The following ETFBKMT variants were observed in gnomAD, a reference collection of about 807,000 sequenced individuals.
The protein encoded by ETFBKMT is electron transfer flavoprotein beta subunit lysine methyltransferase.
In ETFBKMT, 13 loss-of-function variants were observed where a neutral mutation model predicts 18.3. The observed-to-expected ratio is 0.71, with a 90% CI of 0.46 to 1.13. The LOEUF (loss-of-function observed/expected upper bound fraction) is 1.13, where lower values mean the gene tolerates loss of function less well. ETFBKMT is among the 50% of genes most tolerant of loss of function. ETFBKMT has a pLI of 0.00. For synonymous variants in ETFBKMT, 84 were observed against 107.9 expected (o/e 0.78, Z 1.37); for missense variants, 293 against 306.2 (o/e 0.96, Z 0.32).
Position 31,661,958 on chromosome 12 carries a change from C to CT in ETFBKMT, c.8dup (p.Leu3PhefsTer44). 6.2e-7 allele frequency: 1 copy of CT among 1,613,248 alleles called. No homozygotes were observed. Among genetic ancestry groups the CT allele is most frequent in the Non-Finnish European group, 8.5e-7 (1 of 1,179,558 alleles). ...CTGTGTTTGGGGAAAGGACTGATGGCTTTGAGTCTAGGTTGGAAAGCACAC... is the reference window on the plus strand; with the variant it reads ...CTGTGTTTGGGGAAAGGACTGATGGCTTTTGAGTCTAGGTTGGAAAGCACAC... On this transcript the variant is annotated frameshift_variant, in exon 2 of 4. Transcript: ENST00000357721. LOFTEE classifies it high-confidence loss of function.
At chr12:31,661,799 C>G (rs1044583725) in intron 1 of ETFBKMT, 42 bp from the exon 2 acceptor site, 35 of 702,604 alleles carry the variant, frequency 5.0e-5, no homozygotes, top group Non-Finnish European at 6.2e-5. Flanking sequence ...AAATGTTGCT[C>G]TTCCTCAGAA....
At chr12:31,657,520 G>A (rs554987572), upstream of ETFBKMT, among the ~76,000 whole-genome samples, 3 of 152,180 alleles carry the variant, frequency 2.0e-5, no homozygotes, top group East Asian at 5.8e-4. Context: ...TTGGCCGGTC[G>A]CAGTGGCTCA....
At chr12:31,656,114 T>C (rs187441843), upstream of ETFBKMT, among the ~76,000 whole-genome samples, 1,168 of 152,330 alleles carry the variant, frequency 7.7e-3, 12 homozygotes, top group Non-Finnish European at 9.7e-3. Flanking sequence ...AAAAGAGGTA[T>C]GACATGGTCT....
In ETFBKMT at chr12:31,670,162, ATTC is replaced by A. The variant is rs1393382561; in HGVS notation, c.*2175_*2177del. The A allele has an allele frequency of 6.6e-6, 1 of 152,074 alleles. No individual in the cohort carries two copies. The highest frequency in any genetic ancestry group is 1.5e-5 in the Non-Finnish European group (1 of 68,044). 9.4% of individuals were successfully genotyped at this position (152,074 alleles called of 1,614,324 possible). On this transcript the variant is annotated 3_prime_UTR_variant, in exon 4 of 4. Transcript: ENST00000357721. ...CCACTGTGCCAGGCTGGAGCTTTTG[ATTC>A]TTAAGTCCATCCACATGGAGCCTCC...
chr12:31,672,408 T>C lies in ETFBKMT; in HGVS notation c.*4418T>C, dbSNP rs1384606484. The stretch of plus-strand genomic sequence containing the variant: ...AAAGAAAACAATGACAATATATTAA[T>C]TGACAATAAAAAATGTTTAATGTTT... On this transcript the variant is annotated 3_prime_UTR_variant, in exon 4 of 4. Transcript: ENST00000357721. 6.9e-7 allele frequency: 1 copy of C among 1,456,118 alleles called. No homozygotes were observed. The highest frequency in any genetic ancestry group is 1.2e-5 in the South Asian group (1 of 82,130). The allele number at this position is 1,456,118 out of a possible 1,614,324, so 90.2% of individuals were successfully genotyped here. A position where few individuals can be genotyped will look rare whatever the true frequency, so the allele number is the denominator to read the frequency against.
rs762340802 is a variant in ETFBKMT at position 31,672,299 on chromosome 12, A to C, written c.*4309A>C. On this transcript the variant is annotated 3_prime_UTR_variant, in exon 4 of 4. Transcript: ENST00000357721. ...TTCCTAGCATTGATCATCTTCAAAA[A>C]AGCATCAATAAACAGTCCATGTCAC... The C allele has an allele frequency of 2.6e-6, 4 of 1,565,714 alleles. No individual in the cohort carries two copies. The highest frequency in any genetic ancestry group is 3.5e-6 in the Non-Finnish European group (4 of 1,152,442).
chr12:31,667,950 G>T lies in ETFBKMT; in HGVS notation c.749G>T (p.Ser250Ile), dbSNP rs1370568075. The change falls in exon 4 of 4, where the codon AGT (serine) becomes ATT (isoleucine). Residue 250 changes from serine (S) to isoleucine (I), a missense_variant. Coordinates refer to ENST00000357721, the MANE Select transcript of ETFBKMT (RefSeq NM_001135863.2). ...SLLESTRQEN[S>I]GLTTSTVWGF... The stretch of plus-strand genomic sequence containing the variant: ...TTGGAGTCTACTAGGCAGGAAAACA[G>T]TGGACTGACAACAAGCACAGTGTGG... 1 of 1,614,068 alleles carries T rather than the reference G, an allele frequency of 6.2e-7. No individual in the cohort carries two copies. The highest frequency in any genetic ancestry group is 2.2e-5 in the East Asian group (1 of 44,900).
chr12:31,665,087 C>T (rs1264157394), intron 2 of ETFBKMT, among the ~76,000 whole-genome samples: 5 of 151,084 alleles, frequency 3.3e-5, no homozygotes, highest in East Asian at 2.0e-4. Flanking sequence ...CAGGTGCCCG[C>T]CACCACACCT....
upstream of ETFBKMT, among the ~76,000 whole-genome samples, chr12:31,655,506 C>T (rs1951054496): frequency 2.0e-5 from 3 of 152,190 alleles, no homozygotes; most frequent in African/African-American, 7.2e-5. Flanking sequence ...AAATTTCACA[C>T]CGACTGTGTC....
In ETFBKMT at chr12:31,670,184, A is replaced by C. The variant is rs536541277; in HGVS notation, c.*2194A>C. 1 of 152,286 alleles carries C rather than the reference A, an allele frequency of 6.6e-6. No individual in the cohort carries two copies. Among genetic ancestry groups the C allele is most frequent in the Admixed American group, 6.5e-5 (1 of 15,304 alleles). The allele number at this position is 152,286 out of a possible 1,614,324, so 9.4% of individuals were successfully genotyped here. ...TTGATTCTTAAGTCCATCCACATGG[A>C]GCCTCCAGCAACTCAGGAATTACAG... On this transcript the variant is annotated 3_prime_UTR_variant, in exon 4 of 4. Transcript: ENST00000357721.
chr12:31,667,976 G>T lies in ETFBKMT; in HGVS notation c.775G>T (p.Gly259Cys), dbSNP rs1383059367. ...TGGACTGACAACAAGCACAGTGTGG[G>T]GTTTTCAGCCTTGAGTTGTCAAAGT... ...NSGLTTSTVW[G>C]FQP Residue 259 changes from glycine to cysteine, a missense_variant, in exon 4 of 4, where the codon GGT (glycine) becomes TGT (cysteine). Coordinates refer to ENST00000357721, the MANE Select transcript of ETFBKMT (RefSeq NM_001135863.2). 2.5e-6 allele frequency: 4 copies of T among 1,611,866 alleles called. No homozygotes were observed. The highest frequency in any genetic ancestry group is 4.5e-5 in the East Asian group (2 of 44,864).
In ETFBKMT at chr12:31,668,494, CTTT is replaced by C. The variant is rs5797428; in HGVS notation, c.*516_*518del. ...GGGCACTGCAGCCTTGAACTCTGGGCTTTTTTTTTTTTTTGAGATGGAGTCTCA... is the reference window on the plus strand; with the variant it reads ...GGGCACTGCAGCCTTGAACTCTGGGCTTTTTTTTTTTGAGATGGAGTCTCA... On this transcript the variant is annotated 3_prime_UTR_variant, in exon 4 of 4. Transcript: ENST00000357721. 1.4e-5 allele frequency: 2 copies of C among 142,270 alleles called. No individual in the cohort carries two copies. The highest frequency in any genetic ancestry group is 2.0e-4 in the East Asian group (1 of 4,982). 8.8% of individuals were successfully genotyped at this position (142,270 alleles called of 1,614,324 possible).
chr12:31,651,674 A>G (rs559934767), intron 1 of ETFBKMT, among the ~76,000 whole-genome samples: 1 of 152,220 alleles, frequency 6.6e-6, no homozygotes, highest in East Asian at 1.9e-4. Context: ...CCTTATCTCC[A>G]GAGACTGGGA....
intron 2 of ETFBKMT, among the ~76,000 whole-genome samples, chr12:31,662,505 CT>C (rs35366747): frequency 0.04 from 5,191 of 128,784 alleles, 276 homozygotes; most frequent in East Asian, 0.26. Flanking sequence ...TTCTTTCTTT[CT>C]TTTTTTTTTT....
intron 2 of ETFBKMT, among the ~76,000 whole-genome samples, chr12:31,665,616 GA>G (rs56843730): frequency 0.04 from 6,164 of 152,242 alleles, 401 homozygotes; most frequent in East Asian, 0.28. Flanking sequence ...TGTGAAGTGG[GA>G]AATCAGGCGT....
chr12:31,666,103 C>T lies in ETFBKMT; in HGVS notation c.331C>T (p.Pro111Ser). The T allele has an allele frequency of 1.2e-6, 2 of 1,612,706 alleles. No individual in the cohort carries two copies. Among genetic ancestry groups the T allele is most frequent in the Non-Finnish European group, 1.7e-6 (2 of 1,179,364 alleles). The change falls in exon 3 of 4, where the codon CCT becomes TCT. Residue 111 changes from proline (P) to serine (S), a missense_variant. Transcript: ENST00000357721. Reference protein sequence around the residue: ...QALSRYLLDNPDVVRGKSVLD... With the variant: ...QALSRYLLDNSDVVRGKSVLD... ...TTAATTTAGGTATCTTTTGGATAATCCTGATGTTGTCAGAGGAAAATCTGT... is the reference window on the plus strand; with the variant it reads ...TTAATTTAGGTATCTTTTGGATAATTCTGATGTTGTCAGAGGAAAATCTGT...
chr12:31,668,704 G>C lies in ETFBKMT; in HGVS notation c.*714G>C, dbSNP rs1951229931. On this transcript the variant is annotated 3_prime_UTR_variant, in exon 4 of 4. Transcript: ENST00000357721. Reference sequence around the variant, plus strand: ...GACGGGGTTTTGCCATGTTGGCCAGGCCGGTCTCAAACTCCTGACCTCAGG... The same window carrying C: ...GACGGGGTTTTGCCATGTTGGCCAGCCCGGTCTCAAACTCCTGACCTCAGG... 6.6e-6 allele frequency: 1 copy of C among 152,312 alleles called. No homozygotes were observed. 9.4% of individuals were successfully genotyped at this position (152,312 alleles called of 1,614,324 possible).
At chr12:31,664,565 T>C (rs1951169368) in intron 2 of ETFBKMT, among the ~76,000 whole-genome samples, 1 of 152,136 alleles carries the variant, frequency 6.6e-6, no homozygotes, top group African/African-American at 2.4e-5. Flanking sequence ...TGGCCTGTGC[T>C]CTTCTAAGAG....
At chr12:31,648,846 C>A (rs193232039) in intron 1 of ETFBKMT, among the ~76,000 whole-genome samples, 241 of 152,104 alleles carry the variant, frequency 1.6e-3, no homozygotes, top group African/African-American at 4.8e-3. Flanking sequence ...CAGGCGTGAG[C>A]CACCGCGCCC....
Sources: gnomAD v4.1 joint callset for allele counts (sites outside exome capture counted in the v4.1 genomes callset) on GRCh38, gnomAD v4.1.1 for gene constraint, MANE v1.5 for transcripts, NCBI Gene and HGNC (gene_info 2026-07-23, HGNC 2026-07-21) for gene names.